Variants in SPATS2L observed in about 807,000 individuals in gnomAD.
SPATS2L encodes the protein spermatogenesis associated serine rich 2 like, also known as SPATS2-like protein.
Under a neutral mutation model 59.6 loss-of-function variants are expected in SPATS2L, and 30 were observed. That is an observed-to-expected ratio of 0.50 (90% CI 0.38 to 0.68). SPATS2L has a LOEUF of 0.68. SPATS2L is among the 30% of genes least tolerant of loss of function. The pLI, the probability that SPATS2L is intolerant of heterozygous loss-of-function variation, is 0.00. For missense variants in SPATS2L, 615 were observed against 700.0 expected (o/e 0.88, Z 1.37); for synonymous variants, 252 against 263.5 (o/e 0.96, Z 0.42).
intron 2 of SPATS2L, among the ~76,000 whole-genome samples, chr2:200,357,862 C>T (rs1449486710): frequency 1.3e-5 from 2 of 152,068 alleles, no homozygotes; most frequent in African/African-American, 2.4e-5. Context: ...GCATTGGAGA[C>T]GTGATCTTTG....
chr2:200,320,838 CAT>C (rs1190971386), intron 1 of SPATS2L, among the ~76,000 whole-genome samples: 1 of 151,982 alleles, frequency 6.6e-6, no homozygotes, highest in Non-Finnish European at 1.5e-5. Flanking sequence ...TTTTTAAAAA[CAT>C]GTTCTCTGCC....
At chr2:200,438,335 C>T (rs1322911570) in intron 6 of SPATS2L, among the ~76,000 whole-genome samples, 1 of 152,178 alleles carries the variant, frequency 6.6e-6, no homozygotes, top group Admixed American at 6.5e-5. Flanking sequence ...AGCACACTGG[C>T]TTCCCTTTTC....
intron 2 of SPATS2L, chr2:200,383,926 T>C (rs1431526405): frequency 1.0e-6 from 1 of 1,001,456 alleles, no homozygotes; most frequent in Non-Finnish European, 1.2e-6. Flanking sequence ...CATTAATGGG[T>C]TTCAGAGAAA....
At chr2:200,352,573 G>A in intron 2 of SPATS2L, among the ~76,000 whole-genome samples, 1 of 151,782 alleles carries the variant, frequency 6.6e-6, no homozygotes, top group East Asian at 1.9e-4. Flanking sequence ...ATGGCAGGGG[G>A]CCTTAGCCTC....
Position 200,419,270 on chromosome 2 carries a change from C to G in SPATS2L, c.219C>G (p.Ser73Arg). The change falls in exon 6 of 13, where the codon AGC (serine) becomes AGG (arginine). Residue 73 changes from serine (S) to arginine (R), a missense_variant. By Grantham distance (110) the Ser-to-Arg change is moderately radical. Transcript: ENST00000409140. ...TCTAGAACAATAAAAGAAAAAGAAG[C>G]AAGTCCAAGCAGCATCAAGGCAACA... The part of the protein sequence containing the change: ...GKKKNNKRKR[S>R]KSKQHQGNKD... 3.2e-6 allele frequency: 5 copies of G among 1,579,618 alleles called. No homozygotes were observed. The highest frequency in any genetic ancestry group is 4.3e-6 in the Non-Finnish European group (5 of 1,162,342).
At chr2:200,318,445 TAGAAATAATGGC>T (rs1449558484) in intron 1 of SPATS2L, among the ~76,000 whole-genome samples, 3 of 152,170 alleles carry the variant, frequency 2.0e-5, no homozygotes, top group African/African-American at 4.8e-5. Flanking sequence ...CCTCAAAAAT[TAGAAATAATGGC>T]ATTAAAAATG....
chr2:200,376,502 T>C (rs1312263786), intron 2 of SPATS2L, among the ~76,000 whole-genome samples: 1 of 152,248 alleles, frequency 6.6e-6, no homozygotes, highest in Non-Finnish European at 1.5e-5. Context: ...TTTAGATTGT[T>C]CCCTTATTAG....
chr2:200,477,859 C>T lies in SPATS2L; in HGVS notation c.1505C>T (p.Pro502Leu), dbSNP rs778618948. The change falls in exon 13 of 13, where the codon CCG (proline) becomes CTG (leucine). Residue 502 changes from proline to leucine, a missense_variant. Around this residue, in one of 3 missense-constraint regions of SPATS2L, gnomAD observed 284 missense variants for 280.1 expected, o/e 1.01. Transcript: ENST00000409140. ...TTGGGGATGAAGACCCCCGAGGCCC[C>T]GGCCCATTCTGAAAAGCCCCGGCGA... ...ASLGMKTPEA[P>L]AHSEKPRRRQ... 6.9e-6 allele frequency: 11 copies of T among 1,595,072 alleles called. No individual in the cohort carries two copies. Among genetic ancestry groups the T allele is most frequent in the Middle Eastern group, 1.7e-4 (1 of 5,974 alleles).
chr2:200,475,092 C>T (rs759071092), intron 12 of SPATS2L, among the ~76,000 whole-genome samples: 16 of 152,146 alleles, frequency 1.1e-4, no homozygotes, highest in Admixed American at 8.5e-4. Flanking sequence ...CACACCCATC[C>T]GCTGGAAGGG....
chr2:200,459,919 G>C (rs1346298149), intron 9 of SPATS2L, 92 bp downstream of exon 9: 1 of 960,476 alleles, frequency 1.0e-6, no homozygotes, highest in Non-Finnish European at 1.6e-6. Context: ...CTTCTGAACA[G>C]GGTCCTAAAA....
intron 2 of SPATS2L, among the ~76,000 whole-genome samples, chr2:200,357,829 G>C (rs964405660): frequency 6.6e-6 from 1 of 152,070 alleles, no homozygotes; most frequent in African/African-American, 2.4e-5. Flanking sequence ...GTATATGTAC[G>C]CGAGCAATAC....
upstream of SPATS2L, chr2:200,306,658 G>A: frequency 1.0e-6 from 1 of 988,328 alleles, no homozygotes; most frequent in Non-Finnish European, 1.2e-6. Flanking sequence ...GCCTGCGAGG[G>A]GCGGGAGTGT....
At chr2:200,330,644 A>G (rs916286587) in intron 2 of SPATS2L, among the ~76,000 whole-genome samples, 1 of 152,220 alleles carries the variant, frequency 6.6e-6, no homozygotes, top group Non-Finnish European at 1.5e-5. Context: ...CCCATCAGAC[A>G]AGCAAGGGCA....
At chr2:200,451,835 TTC>T (rs1316389373) in intron 8 of SPATS2L, among the ~76,000 whole-genome samples, 2 of 148,232 alleles carry the variant, frequency 1.3e-5, no homozygotes, top group Admixed American at 6.7e-5. Flanking sequence ...CTTTTTTCTT[TTC>T]TTTTTTTGGA....
At chr2:200,363,739 T>C (rs1001957562) in intron 2 of SPATS2L, among the ~76,000 whole-genome samples, 2 of 152,228 alleles carry the variant, frequency 1.3e-5, no homozygotes, top group Non-Finnish European at 2.9e-5. Flanking sequence ...GATGACATAA[T>C]AATGAAAAGT....
intron 2 of SPATS2L, among the ~76,000 whole-genome samples, chr2:200,381,406 G>C (rs2081806745): frequency 6.6e-6 from 1 of 152,266 alleles, no homozygotes; most frequent in Non-Finnish European, 1.5e-5. Context: ...GAGATCTGAG[G>C]CCCTCGTGCC....
At chr2:200,398,886 C>T (rs533235564) in intron 3 of SPATS2L, among the ~76,000 whole-genome samples, 2 of 152,210 alleles carry the variant, frequency 1.3e-5, no homozygotes, top group South Asian at 2.1e-4. Flanking sequence ...TATAAAATAA[C>T]GGAACCTGAT....
At chr2:200,388,672 T>G (rs2082074175) in intron 2 of SPATS2L, among the ~76,000 whole-genome samples, 1 of 149,042 alleles carries the variant, frequency 6.7e-6, no homozygotes, top group Admixed American at 6.7e-5. Context: ...GATCTGAAAT[T>G]AGAGCATTCC....
chr2:200,306,724 G>A lies in SPATS2L; in HGVS notation c.-271G>A, dbSNP rs1457929407. 2 of 973,566 alleles carry A rather than the reference G, an allele frequency of 2.1e-6. No individual in the cohort carries two copies. The highest frequency in any genetic ancestry group is 1.8e-5 in the African/African-American group (1 of 56,364). The allele number at this position is 973,566 out of a possible 1,614,324, so 60.3% of individuals were successfully genotyped here. On this transcript the variant is annotated 5_prime_UTR_variant, in exon 1 of 13. Coordinates refer to ENST00000409140, the MANE Select transcript of SPATS2L (RefSeq NM_001100423.2). The stretch of plus-strand genomic sequence containing the variant: ...GTCAGTGAAGGAATCCAGTCCGGGG[G>A]CCGAGCTGGCTGCGCCCTCCGCTGC...
Sources: gnomAD v4.1 joint callset for allele counts (sites outside exome capture counted in the v4.1 genomes callset) on GRCh38, gnomAD v4.1.1 for gene constraint, gnomAD v4.1.1 regional missense constraint, MANE v1.5 for transcripts, NCBI Gene and HGNC (gene_info 2026-07-23, HGNC 2026-07-21) for gene names.